Variants in COA6 observed in about 807,000 individuals in gnomAD.
COA6 encodes the protein cytochrome c oxidase assembly factor 6 homolog.
COA6 carries 12 observed loss-of-function variants against 17.1 expected under a neutral mutation model. The observed-to-expected ratio is 0.70, with a 90% CI of 0.45 to 1.14. COA6 has a LOEUF of 1.14. Ranked by LOEUF, COA6 falls within the 50% of genes most tolerant of loss-of-function variation. The pLI is 0.00. For missense variants in COA6, 246 were observed against 196.5 expected, an observed-to-expected ratio of 1.25 and a Z score of -1.51; for synonymous variants, 90 against 73.4, an observed-to-expected ratio of 1.23 and a Z score of -1.16.
intron 2 of COA6, among the ~76,000 whole-genome samples, chr1:234,383,122 A>AT (rs1659027142): frequency 6.6e-6 from 1 of 151,658 alleles, no homozygotes; most frequent in African/African-American, 2.4e-5. Flanking sequence ...ATGTGTTCTC[A>AT]TTTGAAGCCT....
chr1:234,383,032 A>AG (rs1553268842), intron 2 of COA6, among the ~76,000 whole-genome samples: 1 of 58,792 alleles, frequency 1.7e-5, no homozygotes, highest in Admixed American at 1.8e-4. Flanking sequence ...AGAGAGAGAG[A>AG]AGGAAGGGAG....
chr1:234,378,128 AT>A (rs1658864301), intron 2 of COA6, among the ~76,000 whole-genome samples: 1 of 152,212 alleles, frequency 6.6e-6, no homozygotes, highest in Non-Finnish European at 1.5e-5. Flanking sequence ...TAAAAAGCGT[AT>A]TTATTAAAGT....
At position 234,384,218 on chromosome 1, in the gene COA6, A is replaced by G. The variant is rs1284385715; in HGVS notation, c.*400A>G. ...TGATGAGGGTTTGTGGAAGGTTTAT[A>G]AGGAAGAAGGGTGAACTTAAAATAT... is the stretch of plus-strand genomic sequence containing the variant. On this transcript the variant is annotated 3_prime_UTR_variant, in exon 3 of 3. Transcript: ENST00000366615. Among the ~76,000 whole-genome samples, 2 of 152,178 alleles carry G rather than the reference A, an allele frequency of 1.3e-5. No individual in the cohort carries two copies. Among genetic ancestry groups the G allele is most frequent in the African/African-American group, 4.8e-5 (2 of 41,444 alleles).
At chr1:234,380,618 A>G (rs1658946066) in intron 2 of COA6, among the ~76,000 whole-genome samples, 1 of 152,158 alleles carries the variant, frequency 6.6e-6, no homozygotes, top group East Asian at 1.9e-4. Flanking sequence ...CAAAATAAAT[A>G]TGCCATACAA....
At chr1:234,378,504 T>C (rs946669085) in intron 2 of COA6, among the ~76,000 whole-genome samples, 3 of 152,180 alleles carry the variant, frequency 2.0e-5, no homozygotes, top group Non-Finnish European at 2.9e-5. Flanking sequence ...CACAAAGTTA[T>C]GAAAAAAGTT....
rs761038292 is a variant in COA6, at chr1:234,373,541, G to T, written c.75G>T (p.Thr25=). ...GCTTTTTGCGGCTGGGGAGGTCTAC[G>T]CTTCTAGAGCTTGAGCCAGCGGGGC... ...VSCFLRLGRS[T]LLELEPAGRP... is the part of the protein sequence containing the mutation. Residue 25 remains threonine (T), a synonymous_variant, in exon 1 of 3, where the codon ACG becomes ACT. Coordinates refer to ENST00000366615, the MANE Select transcript of COA6 (RefSeq NM_001206641.3). The T allele has an allele frequency of 6.2e-7, 1 of 1,610,692 alleles. No individual in the cohort carries two copies. Among genetic ancestry groups the T allele is most frequent in the Admixed American group, 1.7e-5 (1 of 59,818 alleles).
rs562500692 is a variant in COA6, at chr1:234,382,492, C to G, written c.373-1231C>G. On this transcript the variant is annotated intron_variant, in intron 2 of 2. Coordinates refer to ENST00000366615, the MANE Select transcript of COA6 (RefSeq NM_001206641.3). ...ATCTATTAGCACACTCCGTGGCTGT[C>G]GTACACCCTCGGGAGACATGTTTCC... Among the ~76,000 whole-genome samples, 47 of 152,300 alleles carry G rather than the reference C, an allele frequency of 3.1e-4. 1 individual carries two copies. The highest frequency in any genetic ancestry group is 7.2e-4 in the Admixed American group (11 of 15,286).
intron 2 of COA6, among the ~76,000 whole-genome samples, chr1:234,382,244 A>C (rs1365864278): frequency 6.6e-6 from 1 of 152,226 alleles, no homozygotes; most frequent in Admixed American, 6.5e-5. Context: ...TTGAAGTTAA[A>C]AGATTGAGTG....
At chr1:234,382,213 G>A (rs1308907402) in intron 2 of COA6, among the ~76,000 whole-genome samples, 1 of 152,242 alleles carries the variant, frequency 6.6e-6, no homozygotes, top group Non-Finnish European at 1.5e-5. Context: ...GGATCGAAAA[G>A]TGGACCAGGG....
At chr1:234,375,755 G>A (rs1194997049) in intron 2 of COA6, among the ~76,000 whole-genome samples, 1 of 152,154 alleles carries the variant, frequency 6.6e-6, no homozygotes, top group Non-Finnish European at 1.5e-5. Flanking sequence ...CTGGCCTCAA[G>A]CAATCTTCCC....
chr1:234,383,867 C>A lies in COA6; in HGVS notation c.*49C>A. 1 of 917,874 alleles carries A rather than the reference C, an allele frequency of 1.1e-6. No homozygotes were observed. Among genetic ancestry groups the A allele is most frequent in the Non-Finnish European group, 1.8e-6 (1 of 568,248 alleles). The allele number at this position is 917,874 out of a possible 1,614,324, so 56.9% of individuals were successfully genotyped here. ...TTCTTTCTGGACATTGAAAAAGCTC[C>A]ACTGACTATGGAACAGTAATAGTTT... On this transcript the variant is annotated 3_prime_UTR_variant, in exon 3 of 3. Transcript: ENST00000366615.
chr1:234,382,431 C>G (rs1240121144), intron 2 of COA6, among the ~76,000 whole-genome samples: 2 of 152,138 alleles, frequency 1.3e-5, no homozygotes, highest in African/African-American at 4.8e-5. Flanking sequence ...CAAGATTTCC[C>G]AATGAATAAG....
intron 2 of COA6, among the ~76,000 whole-genome samples, chr1:234,377,676 G>A (rs1173602302): frequency 1.3e-5 from 2 of 152,248 alleles, no homozygotes; most frequent in African/African-American, 4.8e-5. Context: ...GCTCTGGAGT[G>A]TAAATTGCAC....
intron 2 of COA6, 118 bp downstream of exon 2, chr1:234,374,507 C>A (rs574877074): frequency 1.9e-6 from 2 of 1,053,500 alleles, no homozygotes; most frequent in Non-Finnish European, 2.8e-6. Context: ...TTCTTTGAGG[C>A]GCAGAGAAAA....
At position 234,380,079 on chromosome 1, in the gene COA6, A is replaced by C. The variant is rs545770032; in HGVS notation, c.373-3644A>C. Among the ~76,000 whole-genome samples, 11 of 152,076 alleles carry C rather than the reference A, an allele frequency of 7.2e-5. No homozygotes were observed. The South Asian group carries it at 2.3e-3, about 32-fold the overall frequency. On this transcript the variant is annotated intron_variant, in intron 2 of 2. Transcript: ENST00000366615. ...GATAGCCCGTTTCCCATTTGCACCCATTTTCTTCTGCACCACTGTTCTTTC... is the reference window on the plus strand; with the variant it reads ...GATAGCCCGTTTCCCATTTGCACCCCTTTTCTTCTGCACCACTGTTCTTTC...
intron 1 of COA6, 170 bp downstream of exon 1, chr1:234,373,848 C>G (rs1658692740): frequency 6.2e-7 from 1 of 1,612,476 alleles, no homozygotes; most frequent in Admixed American, 1.7e-5. Flanking sequence ...TAGGTTCGAA[C>G]AGTAACCCTG....
At chr1:234,374,106 G>GTTTTTTTT in intron 1 of COA6, 124 bp from the exon 2 acceptor site, 2 of 997,664 alleles carry the variant, frequency 2.0e-6, no homozygotes, top group South Asian at 3.5e-5. Flanking sequence ...GTTTTGTTTT[G>GTTTTTTTT]TTTTTGTTTT....
In COA6 at chr1:234,384,102, T is replaced by C. The variant is rs1318198926; in HGVS notation, c.*284T>C. On this transcript the variant is annotated 3_prime_UTR_variant, in exon 3 of 3. Coordinates refer to ENST00000366615, the MANE Select transcript of COA6 (RefSeq NM_001206641.3). ...AATTAGAGGATGGGTAGTAGGCAGA[T>C]GATAAAATTTATAATATACATAGAA... The C allele has an allele frequency of 4.3e-6, 1 of 232,054 alleles. No individual in the cohort carries two copies. The highest frequency in any genetic ancestry group is 8.4e-6 in the Non-Finnish European group (1 of 119,008). 14.4% of individuals were successfully genotyped at this position (232,054 alleles called of 1,614,324 possible).
At chr1:234,383,059 G>GGAA (rs1331899001) in intron 2 of COA6, among the ~76,000 whole-genome samples, 2 of 122,402 alleles carry the variant, frequency 1.6e-5, no homozygotes, top group East Asian at 4.8e-4. Context: ...AGGGAGGGAG[G>GGAA]GAGGGAGGGA....
Sources: allele counts gnomAD v4.1 joint callset (sites outside exome capture counted in the v4.1 genomes callset), GRCh38; gene constraint gnomAD v4.1.1; transcripts MANE v1.5; gene names NCBI Gene and HGNC (gene_info 2026-07-23, HGNC 2026-07-21).